Variants in MAN1A1 observed in about 807,000 individuals in gnomAD.
MAN1A1 encodes mannosidase alpha class 1A member 1.
A neutral mutation model predicts 70.8 loss-of-function variants in MAN1A1; 29 were observed. The observed-to-expected ratio is 0.41, with a 90% CI of 0.31 to 0.56. MAN1A1 has a LOEUF of 0.56. Among genes scored for constraint, MAN1A1 ranks in the 20% least tolerant of loss-of-function variants. MAN1A1 has a pLI of 0.29. For missense variants in MAN1A1, 747 were observed against 841.3 expected, an observed-to-expected ratio of 0.89 and a Z score of 1.39; for synonymous variants, 349 against 330.1, an observed-to-expected ratio of 1.06 and a Z score of -0.62.
At chr6:119,273,375 C>T (rs7748940) in intron 5 of MAN1A1, among the ~76,000 whole-genome samples, 6,290 of 152,188 alleles carry the variant, frequency 0.041, 149 homozygotes, top group African/African-American at 0.054. Flanking sequence ...GAAATCATAT[C>T]ATACATGAAA....
chr6:119,319,198 C>A (rs6913626), intron 2 of MAN1A1, among the ~76,000 whole-genome samples: 2 of 151,646 alleles, frequency 1.3e-5, no homozygotes, highest in African/African-American at 4.9e-5. Flanking sequence ...ATGCCTGTAT[C>A]ATTACCACCC....
intron 6 of MAN1A1, among the ~76,000 whole-genome samples, chr6:119,220,233 T>G (rs991845156): frequency 1.3e-5 from 2 of 152,144 alleles, no homozygotes; most frequent in African/African-American, 4.8e-5. Context: ...TATTTGGAGT[T>G]GCTGATCCAA....
chr6:119,210,285 A>G (rs1562193656), intron 6 of MAN1A1, among the ~76,000 whole-genome samples: 1 of 152,200 alleles, frequency 6.6e-6, no homozygotes, highest in African/African-American at 2.4e-5. Flanking sequence ...CAAATTGCAG[A>G]TAAGTCGAGT....
intron 9 of MAN1A1, among the ~76,000 whole-genome samples, chr6:119,191,700 A>C (rs1454853829): frequency 1.3e-5 from 2 of 152,102 alleles, no homozygotes; most frequent in Non-Finnish European, 2.9e-5. Context: ...AGATAGGGCC[A>C]TGATAGCCAG....
At chr6:119,292,487 G>A (rs1274949419) in intron 4 of MAN1A1, among the ~76,000 whole-genome samples, 2 of 151,894 alleles carry the variant, frequency 1.3e-5, no homozygotes, top group African/African-American at 4.8e-5. Flanking sequence ...GACTGATAAG[G>A]TCCTCAAGCT....
intron 11 of MAN1A1, among the ~76,000 whole-genome samples, chr6:119,182,665 G>T (rs967304148): frequency 6.6e-6 from 1 of 151,794 alleles, no homozygotes; most frequent in Non-Finnish European, 1.5e-5. Context: ...AATTTCCATC[G>T]TACAAAAATT....
chr6:119,186,294 G>A (rs1200718103), intron 11 of MAN1A1, among the ~76,000 whole-genome samples: 2 of 152,068 alleles, frequency 1.3e-5, no homozygotes, highest in East Asian at 1.9e-4. Context: ...AGCTGGATGA[G>A]GTGATTTTTA....
chr6:119,297,735 C>CTTTTTTTTTTTTTTTTTTTTTTTTTTT (rs386408421), intron 4 of MAN1A1, among the ~76,000 whole-genome samples: 1 of 95,686 alleles, frequency 1.0e-5, no homozygotes, highest in African/African-American at 4.0e-5. Context: ...AAATAGTTTC[C>CTTTTTTTTTTTTTTTTTTTTTTTTTTT]TTTTTTTTTT....
intron 5 of MAN1A1, among the ~76,000 whole-genome samples, chr6:119,270,905 C>T (rs1293724969): frequency 6.6e-6 from 1 of 152,174 alleles, no homozygotes; most frequent in Non-Finnish European, 1.5e-5. Context: ...AGTACATATT[C>T]CCAACTGTTT....
chr6:119,268,369 A>G (rs1775816850), intron 5 of MAN1A1, among the ~76,000 whole-genome samples: 1 of 152,098 alleles, frequency 6.6e-6, no homozygotes, highest in Admixed American at 6.5e-5. Flanking sequence ...CTGGTCACAC[A>G]TCTTCCCAGT....
intron 5 of MAN1A1, among the ~76,000 whole-genome samples, chr6:119,286,961 C>T (rs1029322349): frequency 6.6e-6 from 1 of 152,132 alleles, no homozygotes; most frequent in African/African-American, 2.4e-5. Context: ...ACTCTTCTCA[C>T]AGGGCCTCGA....
At chr6:119,199,640 C>G (rs1371163381) in intron 8 of MAN1A1, among the ~76,000 whole-genome samples, 1 of 151,672 alleles carries the variant, frequency 6.6e-6, no homozygotes, top group Non-Finnish European at 1.5e-5. Context: ...GGTGTGGTGG[C>G]TCATGCCTGT....
Position 119,177,573 on chromosome 6 carries a change from CAAT to C in MAN1A1, c.*2243_*2245del, listed in dbSNP as rs1359684023. ...CAGTTTTGTTGAAAATAAGTTTCAA[CAAT>C]AAGACTTCAGTTGTTAAAATTAACC... On this transcript the variant is annotated 3_prime_UTR_variant, in exon 13 of 13. Transcript: ENST00000368468. 1 of 151,944 alleles carries C rather than the reference CAAT, an allele frequency of 6.6e-6. No homozygotes were observed. Among genetic ancestry groups the C allele is most frequent in the Non-Finnish European group, 1.5e-5 (1 of 67,892 alleles). 9.4% of individuals were successfully genotyped at this position (151,944 alleles called of 1,614,324 possible).
chr6:119,188,445 T>C lies in MAN1A1; in HGVS notation c.1679A>G (p.His560Arg). Residue 560 changes from histidine to arginine, a missense_variant, in exon 11 of 13, where the codon CAT (histidine) becomes CGT (arginine). Transcript: ENST00000368468. ...GGCCCATTTCCTGTACTTTGGATCA[T>C]GAGTCAGTCTCCACATATACATGTA... ...ETYMYMWRLT[H>R]DPKYRKWAWE... is the part of the protein sequence containing the mutation. 6.2e-7 allele frequency: 1 copy of C among 1,613,280 alleles called. No homozygotes were observed. The highest frequency in any genetic ancestry group is 1.1e-5 in the South Asian group (1 of 90,776).
intron 2 of MAN1A1, among the ~76,000 whole-genome samples, chr6:119,323,202 T>A (rs1455429169): frequency 1.3e-5 from 2 of 152,332 alleles, no homozygotes; most frequent in African/African-American, 4.8e-5. Context: ...GCAGACATGA[T>A]CTGAATCAAA....
intron 6 of MAN1A1, among the ~76,000 whole-genome samples, chr6:119,246,323 C>A (rs1049792693): frequency 6.6e-5 from 10 of 152,144 alleles, no homozygotes; most frequent in African/African-American, 2.4e-4. Flanking sequence ...GGATTGTAAA[C>A]TGGCGGTCAT....
chr6:119,295,227 A>G (rs1772173497), intron 4 of MAN1A1, among the ~76,000 whole-genome samples: 1 of 152,054 alleles, frequency 6.6e-6, no homozygotes, highest in African/African-American at 2.4e-5. Context: ...TGAAAGACCA[A>G]CCTCTTCACA....
In MAN1A1 at chr6:119,189,770, G is replaced by A. The variant is rs1217734272; in HGVS notation, c.1440C>T (p.Gly480=). ...CTGCATCAGCCCCGAGTGCGAACAT[G>A]CCCCCCGCGAAGCAGGTCAGGTGGC... ...KMGHLTCFAG[G]MFALGADAAP... is the part of the protein sequence containing the mutation. The change falls in exon 10 of 13, where the codon GGC becomes GGT. Residue 480 remains glycine (G), a synonymous_variant. Transcript: ENST00000368468. 21 of 1,613,940 alleles carry A rather than the reference G, an allele frequency of 1.3e-5. No individual in the cohort carries two copies. The highest frequency in any genetic ancestry group is 1.7e-5 in the Non-Finnish European group (20 of 1,179,996).
At chr6:119,298,025 C>G (rs1249286259) in intron 4 of MAN1A1, among the ~76,000 whole-genome samples, 2 of 152,038 alleles carry the variant, frequency 1.3e-5, no homozygotes, top group Non-Finnish European at 2.9e-5. Context: ...GACTACTTTT[C>G]CTGCTAGACT....
Sources: gnomAD v4.1 joint callset for allele counts (sites outside exome capture counted in the v4.1 genomes callset) on GRCh38, gnomAD v4.1.1 for gene constraint, MANE v1.5 for transcripts, NCBI Gene and HGNC (gene_info 2026-07-23, HGNC 2026-07-21) for gene names.